Variants in FAM241A observed in about 807,000 individuals in gnomAD.
FAM241A encodes the protein uncharacterized protein FAM241A.
Under a neutral mutation model 12.2 loss-of-function variants are expected in FAM241A, and 7 were observed. That is an observed-to-expected ratio of 0.58 (90% CI 0.33 to 1.08). FAM241A has a LOEUF of 1.08. FAM241A is among the 50% of genes least tolerant of loss of function. The probability of loss-of-function intolerance (pLI) is 0.04; values close to 1 mark genes in which losing one functional copy is unlikely to be tolerated. For missense variants in FAM241A, 161 were observed against 169.7 expected, an observed-to-expected ratio of 0.95 and a Z score of 0.29; for synonymous variants, 74 against 68.2, an observed-to-expected ratio of 1.08 and a Z score of -0.42.
intron 1 of FAM241A, among the ~76,000 whole-genome samples, chr4:112,182,706 T>A (rs1298268722): frequency 6.6e-6 from 1 of 152,162 alleles, no homozygotes; most frequent in Admixed American, 6.6e-5. Flanking sequence ...TGTTAATAGT[T>A]TGAAATTGGC....
chr4:112,148,019 C>G (rs941575586), intron 1 of FAM241A, among the ~76,000 whole-genome samples: 1 of 152,076 alleles, frequency 6.6e-6, no homozygotes, highest in Non-Finnish European at 1.5e-5. Flanking sequence ...GTTGTATGCT[C>G]TTGAACACCA....
intron 1 of FAM241A, among the ~76,000 whole-genome samples, chr4:112,179,235 T>A (rs1723879449): frequency 6.6e-6 from 1 of 152,208 alleles, no homozygotes; most frequent in Non-Finnish European, 1.5e-5. Flanking sequence ...GCCTAGGTTT[T>A]CTTCTAGGGT....
chr4:112,147,724 A>G (rs1030610424), intron 1 of FAM241A, among the ~76,000 whole-genome samples: 17 of 152,320 alleles, frequency 1.1e-4, no homozygotes, highest in African/African-American at 4.1e-4. Context: ...GGTTGGTTTA[A>G]GGATACAAGG....
At chr4:112,156,834 T>G (rs1267328297) in intron 1 of FAM241A, among the ~76,000 whole-genome samples, 1 of 152,212 alleles carries the variant, frequency 6.6e-6, no homozygotes, top group East Asian at 1.9e-4. Context: ...ATTGTAGTCC[T>G]TGAAATGCTG....
In FAM241A at chr4:112,181,964, C is replaced by G. The variant is rs185179300; in HGVS notation, c.154-4729C>G. On this transcript the variant is annotated intron_variant, in intron 1 of 1. Coordinates refer to ENST00000309733, the MANE Select transcript of FAM241A (RefSeq NM_152400.3). ...TATAGATTATAGGGGAGCTAATGGA[C>G]TTGTGCAGTAGCAGTGTTAGGAAAC... Among the ~76,000 whole-genome samples the G allele has an allele frequency of 3.3e-5, 5 of 152,254 alleles. No homozygotes were observed. The East Asian group carries it at 9.6e-4, about 29-fold the overall frequency.
chr4:112,178,683 A>G (rs913639797), intron 1 of FAM241A, among the ~76,000 whole-genome samples: 25 of 152,230 alleles, frequency 1.6e-4, no homozygotes, highest in Admixed American at 5.2e-4. Flanking sequence ...AAAAGAAACT[A>G]TCAACAGAGT....
chr4:112,186,262 C>G (rs1010183683), intron 1 of FAM241A, among the ~76,000 whole-genome samples: 3 of 152,198 alleles, frequency 2.0e-5, no homozygotes, highest in Non-Finnish European at 4.4e-5. Flanking sequence ...GCGCTGAAGT[C>G]TGCTTAGCTG....
At chr4:112,161,964 A>T (rs1452226842) in intron 1 of FAM241A, among the ~76,000 whole-genome samples, 1 of 152,308 alleles carries the variant, frequency 6.6e-6, no homozygotes, top group African/African-American at 2.4e-5. Flanking sequence ...ATCCACCACT[A>T]TCAAGTGGGC....
intron 1 of FAM241A, among the ~76,000 whole-genome samples, chr4:112,180,029 AAC>A (rs1218489916): frequency 6.6e-6 from 1 of 150,844 alleles, no homozygotes; most frequent in African/African-American, 2.4e-5. Flanking sequence ...CTAAAAAAAA[AAC>A]AGTCATATCC....
At chr4:112,146,438 T>A (rs1723139825) in intron 1 of FAM241A, among the ~76,000 whole-genome samples, 1 of 152,200 alleles carries the variant, frequency 6.6e-6, no homozygotes, top group Admixed American at 6.5e-5. Context: ...TTAAATAAAG[T>A]GTGATAATGG....
rs1724084869 is a variant in FAM241A at position 112,188,220 on chromosome 4, T to C, written c.*1282T>C. The C allele has an allele frequency of 6.6e-6, 1 of 152,152 alleles. No individual in the cohort carries two copies. The highest frequency in any genetic ancestry group is 1.5e-5 in the Non-Finnish European group (1 of 67,982). 9.4% of individuals were successfully genotyped at this position (152,152 alleles called of 1,614,324 possible). Reference sequence around the variant, plus strand: ...AAAGGGGGGTAGTTAAGATTTAGAATTCAAGTTAAATTTCAGAAATTGGGG... The same window carrying C: ...AAAGGGGGGTAGTTAAGATTTAGAACTCAAGTTAAATTTCAGAAATTGGGG... On this transcript the variant is annotated 3_prime_UTR_variant, in exon 2 of 2. Transcript: ENST00000309733.
Position 112,194,603 on chromosome 4 carries a change from T to G in FAM241A, c.*7665T>G, listed in dbSNP as rs1724231062. The G allele has an allele frequency of 6.6e-6, 1 of 152,096 alleles. No homozygotes were observed. The highest frequency in any genetic ancestry group is 2.4e-5 in the African/African-American group (1 of 41,420). 9.4% of individuals were successfully genotyped at this position (152,096 alleles called of 1,614,324 possible). On this transcript the variant is annotated 3_prime_UTR_variant, in exon 2 of 2. Transcript: ENST00000309733. The stretch of plus-strand genomic sequence containing the variant: ...AAGGCCTTTTCTGCATCTATTGAGA[T>G]AATCATGTGGTTTTTGTCTTTGGTT...
At chr4:112,183,732 G>A (rs573158482) in intron 1 of FAM241A, among the ~76,000 whole-genome samples, 6 of 151,348 alleles carry the variant, frequency 4.0e-5, no homozygotes, top group Non-Finnish European at 5.9e-5. Flanking sequence ...AAAAAATGAA[G>A]AAAAAAAGGC....
intron 1 of FAM241A, among the ~76,000 whole-genome samples, chr4:112,174,396 G>A (rs1181180425): frequency 1.3e-5 from 2 of 152,228 alleles, no homozygotes; most frequent in South Asian, 2.1e-4. Flanking sequence ...ACTCACGCCT[G>A]TAATCCCAGC....
intron 1 of FAM241A, among the ~76,000 whole-genome samples, chr4:112,175,072 C>CTAT (rs1190729374): frequency 6.6e-6 from 1 of 152,038 alleles, no homozygotes; most frequent in East Asian, 1.9e-4. Flanking sequence ...TTAGTGGTAG[C>CTAT]TATTATTATT....
chr4:112,186,307 G>A (rs1724037296), intron 1 of FAM241A, among the ~76,000 whole-genome samples: 1 of 152,186 alleles, frequency 6.6e-6, no homozygotes, highest in Non-Finnish European at 1.5e-5. Flanking sequence ...TAGTGGCTGA[G>A]GATTGCTCAA....
At position 112,174,923 on chromosome 4, in the gene FAM241A, T is replaced by A. The variant is rs114433673; in HGVS notation, c.154-11770T>A. On this transcript the variant is annotated intron_variant, in intron 1 of 1. Coordinates refer to ENST00000309733, the MANE Select transcript of FAM241A (RefSeq NM_152400.3). ...AGGCTTTAAAGTGACATCACTGTCA[T>A]CCCTGGCAGTCTGAAAAACTGTGTA... Among the ~76,000 whole-genome samples the A allele has an allele frequency of 2.0e-3, 304 of 152,368 alleles. 2 individuals carry two copies. Among genetic ancestry groups the A allele is most frequent in the African/African-American group, 6.9e-3 (286 of 41,588 alleles).
At chr4:112,171,877 C>CA (rs924305240) in intron 1 of FAM241A, among the ~76,000 whole-genome samples, 8 of 149,874 alleles carry the variant, frequency 5.3e-5, no homozygotes, top group African/African-American at 9.8e-5. Flanking sequence ...AAAACAAAAA[C>CA]AAAAAAAAAT....
Position 112,192,191 on chromosome 4 carries a change from G to GA in FAM241A, c.*5257dup, listed in dbSNP as rs1183739253. 2 of 152,112 alleles carry GA rather than the reference G, an allele frequency of 1.3e-5. No homozygotes were observed. Among genetic ancestry groups the GA allele is most frequent in the Non-Finnish European group, 2.9e-5 (2 of 68,016 alleles). 9.4% of individuals were successfully genotyped at this position (152,112 alleles called of 1,614,324 possible). A position where few individuals can be genotyped will look rare whatever the true frequency, so the allele number is the denominator to read the frequency against. ...CACTATACACTTGTGTATTTTAGGA[G>GA]AAAATGTATTTTCAATGTTTGGTTG... On this transcript the variant is annotated 3_prime_UTR_variant, in exon 2 of 2. Coordinates refer to ENST00000309733, the MANE Select transcript of FAM241A (RefSeq NM_152400.3).
Sources: allele counts gnomAD v4.1 joint callset (sites outside exome capture counted in the v4.1 genomes callset), GRCh38; gene constraint gnomAD v4.1.1; transcripts MANE v1.5; gene names NCBI Gene and HGNC (gene_info 2026-07-23, HGNC 2026-07-21).